MCU: variants seen among roughly 807,000 people sequenced by gnomAD.
MCU encodes calcium uniporter protein, mitochondrial.
In MCU, 12 loss-of-function variants were observed where a neutral mutation model predicts 45.2. That is an observed-to-expected ratio of 0.27 (90% CI 0.17 to 0.43). The LOEUF (loss-of-function observed/expected upper bound fraction) is 0.43. MCU is among the 20% of genes least tolerant of loss of function. The pLI is 1.00. For missense variants in MCU, 324 were observed against 436.7 expected, an observed-to-expected ratio of 0.74 and a Z score of 2.30; for synonymous variants, 160 against 165.1, an observed-to-expected ratio of 0.97 and a Z score of 0.24.
At chr10:72,841,765 C>G (rs1255656409) in intron 2 of MCU, among the ~76,000 whole-genome samples, 1 of 152,176 alleles carries the variant, frequency 6.6e-6, no homozygotes, top group Non-Finnish European at 1.5e-5. Flanking sequence ...TTTGAAGACT[C>G]TTAGGCCTAA....
At chr10:72,881,801 T>C (rs1007393466) in intron 6 of MCU, among the ~76,000 whole-genome samples, 1 of 152,202 alleles carries the variant, frequency 6.6e-6, no homozygotes, top group African/African-American at 2.4e-5. Context: ...GAAAATGCTG[T>C]GTATCTCCAA....
intron 1 of MCU, among the ~76,000 whole-genome samples, chr10:72,780,317 T>G (rs1208815424): frequency 6.6e-6 from 1 of 152,144 alleles, no homozygotes; most frequent in Non-Finnish European, 1.5e-5. Flanking sequence ...AGGGTGGTGA[T>G]ATACTGGAAT....
intron 1 of MCU, among the ~76,000 whole-genome samples, chr10:72,702,493 T>G (rs973394595): frequency 6.6e-6 from 1 of 152,196 alleles, no homozygotes; most frequent in Non-Finnish European, 1.5e-5. Flanking sequence ...TGTGAGGCAC[T>G]GCCCAGGGCA....
chr10:72,857,238 TA>T, intron 2 of MCU, among the ~76,000 whole-genome samples: 1 of 149,282 alleles, frequency 6.7e-6, no homozygotes, highest in African/African-American at 2.6e-5. Context: ...AGTTAGGGAT[TA>T]AACCCCCCCC....
intron 1 of MCU, among the ~76,000 whole-genome samples, chr10:72,801,454 T>C (rs888698355): frequency 5.3e-5 from 8 of 151,294 alleles, no homozygotes; most frequent in Admixed American, 3.3e-4. Flanking sequence ...CAGCCAGTAC[T>C]GGAGCTAACA....
chr10:72,752,846 C>A (rs1311620525), intron 1 of MCU, among the ~76,000 whole-genome samples: 1 of 151,996 alleles, frequency 6.6e-6, no homozygotes, highest in Non-Finnish European at 1.5e-5. Flanking sequence ...TGGAAGGAGC[C>A]CTTCTTAAAG....
chr10:72,871,396 G>A lies in MCU; in HGVS notation c.677G>A (p.Arg226Lys). The A allele has an allele frequency of 6.2e-7, 1 of 1,614,124 alleles. No individual in the cohort carries two copies. The highest frequency in any genetic ancestry group is 8.5e-7 in the Non-Finnish European group (1 of 1,179,960). Reference sequence around the variant, plus strand: ...CAATAGGTACGAATTGAGATTAGCAGAAAAGCTGAGAAGAGGACCACTTTG... The same window carrying A: ...CAATAGGTACGAATTGAGATTAGCAAAAAAGCTGAGAAGAGGACCACTTTG... ...PLEKVRIEISRKAEKRTTLVL... is the reference protein window; with the variant it reads ...PLEKVRIEISKKAEKRTTLVL... Residue 226 changes from arginine (R) to lysine (K), a missense_variant, in exon 6 of 8, where the codon AGA becomes AAA. By Grantham distance (26) the Arg-to-Lys change is conservative (BLOSUM62 2). Transcript: ENST00000373053.
intron 1 of MCU, among the ~76,000 whole-genome samples, chr10:72,815,794 G>A (rs1773425227): frequency 6.6e-6 from 1 of 152,136 alleles, no homozygotes; most frequent in Non-Finnish European, 1.5e-5. Flanking sequence ...ATAAAAAATA[G>A]TGTGATAAGA....
Position 72,692,148 on chromosome 10 carries a change from A to G in MCU, c.-4A>G, listed in dbSNP as rs564617095. 5 of 1,291,850 alleles carry G rather than the reference A, an allele frequency of 3.9e-6. No individual in the cohort carries two copies. The African/African-American group carries it at 4.6e-5, about 12-fold the overall frequency. The allele number at this position is 1,291,850 out of a possible 1,614,324, so 80.0% of individuals were successfully genotyped here. ...CCTGGGTCGGCGCCGTTTCCAGTTG[A>G]GAGATGGCGGCCGCCGCAGGTAGAT... On this transcript the variant is annotated 5_prime_UTR_variant, in exon 1 of 8. Coordinates refer to ENST00000373053, the MANE Select transcript of MCU (RefSeq NM_138357.3).
intron 4 of MCU, among the ~76,000 whole-genome samples, chr10:72,863,505 AC>A (rs1845409793): frequency 6.6e-6 from 1 of 152,226 alleles, no homozygotes; most frequent in Admixed American, 6.5e-5. Flanking sequence ...TGATTGTTGA[AC>A]AAAGCAGGTT....
chr10:72,757,016 A>G (rs79732334), intron 1 of MCU: 5 of 140,048 alleles, frequency 3.6e-5, no homozygotes, highest in East Asian at 2.0e-4. Context: ...TTGAAAAAGG[A>G]AAAAAAAAAA....
chr10:72,785,152 G>A (rs1182500509), intron 1 of MCU, among the ~76,000 whole-genome samples: 1 of 152,138 alleles, frequency 6.6e-6, no homozygotes, highest in Non-Finnish European at 1.5e-5. Flanking sequence ...TTACACAGTC[G>A]GCGAAGCAAG....
At chr10:72,870,454 G>GTT (rs1554829158) in intron 5 of MCU, among the ~76,000 whole-genome samples, 1 of 150,604 alleles carries the variant, frequency 6.6e-6, no homozygotes, top group Non-Finnish European at 1.5e-5. Flanking sequence ...AATTTTTTGT[G>GTT]TTTTTTTTTA....
chr10:72,868,319 C>G (rs1280732377), intron 4 of MCU, among the ~76,000 whole-genome samples: 1 of 152,096 alleles, frequency 6.6e-6, no homozygotes, highest in Non-Finnish European at 1.5e-5. Context: ...GAGGCCAAGG[C>G]AGGCAGATCG....
intron 1 of MCU, among the ~76,000 whole-genome samples, chr10:72,716,822 GT>G: frequency 6.6e-6 from 1 of 152,190 alleles, no homozygotes; most frequent in East Asian, 1.9e-4. Flanking sequence ...GCAGTGAGCT[GT>G]GATCACGCCA....
intron 1 of MCU, among the ~76,000 whole-genome samples, chr10:72,724,492 G>T (rs1843070248): frequency 6.6e-6 from 1 of 152,054 alleles, no homozygotes; most frequent in South Asian, 2.1e-4. Flanking sequence ...GATTTTAACT[G>T]CATTTCTACC....
chr10:72,693,174 G>A, intron 1 of MCU: 1 of 162,368 alleles, frequency 6.2e-6, no homozygotes, highest in Non-Finnish European at 8.1e-6. Context: ...TCTTGGGTGA[G>A]TGTGTGTGTG....
rs541077806 is a variant in MCU, at chr10:72,709,925, G to A, written c.150+17624G>A. On this transcript the variant is annotated intron_variant, in intron 1 of 7. Coordinates refer to ENST00000373053, the MANE Select transcript of MCU (RefSeq NM_138357.3). ...GATTCAGAATGAATTCAAGTTCTTA[G>A]TGTGGCCAACTGCCACAAAGTTGGG... Among the ~76,000 whole-genome samples, 3 of 152,278 alleles carry A rather than the reference G, an allele frequency of 2.0e-5. No individual in the cohort carries two copies. The South Asian group carries it at 6.2e-4, about 32-fold the overall frequency.
At chr10:72,818,758 G>A (rs1353116555) in intron 1 of MCU, among the ~76,000 whole-genome samples, 5 of 151,198 alleles carry the variant, frequency 3.3e-5, no homozygotes, top group East Asian at 1.9e-4. Context: ...GGAGAATTGC[G>A]TGAACCTGGG....
Sources: allele counts gnomAD v4.1 joint callset (sites outside exome capture counted in the v4.1 genomes callset), GRCh38; gene constraint gnomAD v4.1.1; transcripts MANE v1.5; gene names NCBI Gene and HGNC (gene_info 2026-07-23, HGNC 2026-07-21).